TMPRSS15: variants seen among roughly 807,000 people sequenced by gnomAD.
TMPRSS15 encodes the protein enteropeptidase.
In TMPRSS15, 128 loss-of-function variants were observed where a neutral mutation model predicts 125.3. That is an observed-to-expected ratio of 1.02 (90% CI 0.89 to 1.18). The LOEUF is 1.18. Ranked by LOEUF, TMPRSS15 falls within the 50% of genes most tolerant of loss-of-function variation. The pLI, the probability that TMPRSS15 is intolerant of heterozygous loss-of-function variation, is 0.00. For missense variants in TMPRSS15, 1,283 were observed against 1,212.7 expected (o/e 1.06, Z -0.86); for synonymous variants, 446 against 423.2 (o/e 1.05, Z -0.66).
At chr21:18,450,010 TC>T (rs1282224176) in intron 1 of TMPRSS15, among the ~76,000 whole-genome samples, 1 of 152,154 alleles carries the variant, frequency 6.6e-6, no homozygotes, top group African/African-American at 2.4e-5. Flanking sequence ...CATTAAAACA[TC>T]TGCTCTTCAA....
intron 16 of TMPRSS15, among the ~76,000 whole-genome samples, chr21:18,321,376 G>A (rs1248256862): frequency 2.9e-5 from 3 of 103,322 alleles, no homozygotes; most frequent in East Asian, 6.0e-4. Context: ...TTTTTGAGAC[G>A]GAGTCTCACT....
chr21:18,332,766 T>A lies in TMPRSS15; in HGVS notation c.1565-593A>T, dbSNP rs1467450980. 2.0e-5 allele frequency among the ~76,000 whole-genome samples: 3 copies of A among 152,210 alleles called. No homozygotes were observed. In the East Asian group the frequency reaches 5.8e-4, roughly 29 times the overall value. On this transcript the variant is annotated intron_variant, in intron 13 of 24. Transcript: ENST00000284885. ...CGGTATATACCCAAAGGAATATAAATCATTCTATTATAAAGACACATGCAC... is the reference window on the plus strand; with the variant it reads ...CGGTATATACCCAAAGGAATATAAAACATTCTATTATAAAGACACATGCAC...
chr21:18,313,771 A>C (rs971747958), intron 17 of TMPRSS15, among the ~76,000 whole-genome samples: 1 of 152,140 alleles, frequency 6.6e-6, no homozygotes, highest in Middle Eastern at 3.4e-3. Flanking sequence ...TTACAAATCT[A>C]TACAGCAAAT....
At chr21:18,377,258 T>C (rs1344365638) in intron 5 of TMPRSS15, among the ~76,000 whole-genome samples, 1 of 152,128 alleles carries the variant, frequency 6.6e-6, no homozygotes, top group African/African-American at 2.4e-5. Flanking sequence ...AGAAACAAAG[T>C]TTTTTTGGAG....
Position 18,419,041 on chromosome 21 carries a change from C to T in TMPRSS15, c.11-20712G>A, listed in dbSNP as rs530643914. Among the ~76,000 whole-genome samples, 251 of 152,312 alleles carry T rather than the reference C, an allele frequency of 1.6e-3. 2 individuals are homozygous for T. The highest frequency in any genetic ancestry group is 6.0e-3 in the African/African-American group (249 of 41,572). On this transcript the variant is annotated intron_variant, in intron 1 of 7. Coordinates refer to the TMPRSS15 transcript ENST00000422787. ...GCAATTGTTCCAAGAATGTAATTCT[C>T]TGCAAGCCTGGTAGAAACAGCCAAC... is the stretch of plus-strand genomic sequence containing the variant.
chr21:18,441,825 G>A (rs938534324), intron 1 of TMPRSS15, among the ~76,000 whole-genome samples: 3 of 151,416 alleles, frequency 2.0e-5, no homozygotes, highest in African/African-American at 7.3e-5. Flanking sequence ...TGAGTAGCTG[G>A]GACTGTAGGC....
intron 3 of TMPRSS15, among the ~76,000 whole-genome samples, chr21:18,396,923 ATC>A (rs2076046973): frequency 6.6e-6 from 1 of 151,412 alleles, no homozygotes; most frequent in Non-Finnish European, 1.5e-5. Flanking sequence ...TTGTCATAGG[ATC>A]TCTGTTTTAC....
rs2075150109 is a variant in TMPRSS15, at chr21:18,315,238, T to C, written c.1940A>G (p.His647Arg). ...LGIPEPCKAD[H>R]FQCKNGECVP... is the part of the protein sequence containing the mutation. ...ACACTCTCCATTTTTACATTGAAAA[T>C]GGTCTGCCTTGCATGGCTCTATGGG... The change falls in exon 17 of 25, where the codon CAT becomes CGT. Residue 647 changes from histidine (H) to arginine (R), a missense_variant. Coordinates refer to ENST00000284885, the MANE Select transcript of TMPRSS15 (RefSeq NM_002772.3). 1 of 1,613,358 alleles carries C rather than the reference T, an allele frequency of 6.2e-7. No homozygotes were observed. Among genetic ancestry groups the C allele is most frequent in the South Asian group, 1.1e-5 (1 of 91,082 alleles).
intron 1 of TMPRSS15, among the ~76,000 whole-genome samples, chr21:18,418,630 C>T (rs376092929): frequency 2.6e-5 from 4 of 152,262 alleles, no homozygotes; most frequent in African/African-American, 4.8e-5. Context: ...ATTTGGTCTA[C>T]GTATTCTTTT....
intron 1 of TMPRSS15, among the ~76,000 whole-genome samples, chr21:18,471,476 G>GAA (rs11355100): frequency 6.8e-6 from 1 of 146,850 alleles, no homozygotes. Flanking sequence ...TTTCAGTTTT[G>GAA]AAAAAAAAAA....
chr21:18,373,009 A>T (rs773887651), intron 5 of TMPRSS15, among the ~76,000 whole-genome samples: 1 of 152,236 alleles, frequency 6.6e-6, no homozygotes. Context: ...AAAAATTTTT[A>T]GGCCAGTGTG....
At chr21:18,360,722 C>T (rs2075672396) in intron 7 of TMPRSS15, among the ~76,000 whole-genome samples, 1 of 151,742 alleles carries the variant, frequency 6.6e-6, no homozygotes, top group African/African-American at 2.4e-5. Context: ...AGTGTGAGAC[C>T]CCAGGTTTGT....
At chr21:18,448,485 A>G (rs1050718222) in intron 1 of TMPRSS15, among the ~76,000 whole-genome samples, 4 of 152,168 alleles carry the variant, frequency 2.6e-5, no homozygotes, top group Admixed American at 2.0e-4. Flanking sequence ...TGGGGCTGTT[A>G]TAATGACCGA....
Position 18,383,498 on chromosome 21 carries a change from A to C in TMPRSS15, c.496+129T>G, listed in dbSNP as rs2075912368. 6 of 1,066,852 alleles carry C rather than the reference A, an allele frequency of 5.6e-6. No homozygotes were observed. In the South Asian group the frequency reaches 8.9e-5, roughly 16 times the overall value. 66.1% of individuals were successfully genotyped at this position (1,066,852 alleles called of 1,614,324 possible). ...TTCAGATTTCACTTTTCTCATGTAA[A>C]TGTGTCACCTCAGGCAATAAGACAT... On this transcript the variant is annotated intron_variant, in intron 4 of 24. Coordinates refer to ENST00000284885, the MANE Select transcript of TMPRSS15 (RefSeq NM_002772.3).
At chr21:18,417,163 T>C (rs1195495628) in intron 1 of TMPRSS15, among the ~76,000 whole-genome samples, 1 of 152,104 alleles carries the variant, frequency 6.6e-6, no homozygotes, top group African/African-American at 2.4e-5. Context: ...GGAGTATGTA[T>C]AACCTAATCA....
chr21:18,354,844 CT>C (rs1448513183), intron 8 of TMPRSS15, among the ~76,000 whole-genome samples: 1 of 151,724 alleles, frequency 6.6e-6, no homozygotes, highest in African/African-American at 2.4e-5. Flanking sequence ...AAATACCATA[CT>C]TGCAGATAGG....
At chr21:18,333,290 A>T (rs114601397) in intron 13 of TMPRSS15, among the ~76,000 whole-genome samples, 4 of 152,202 alleles carry the variant, frequency 2.6e-5, no homozygotes, top group African/African-American at 9.6e-5. Flanking sequence ...GAACTTCTCA[A>T]AATTTCTTTA....
At chr21:18,374,464 AGCGAGACTCC>A (rs1447610090) in intron 5 of TMPRSS15, among the ~76,000 whole-genome samples, 14 of 119,352 alleles carry the variant, frequency 1.2e-4, no homozygotes, top group Middle Eastern at 9.1e-3. Context: ...TGGGCGACAG[AGCGAGACTCC>A]GTCTCAAAAA....
At chr21:18,391,899 G>C (rs1341977711) in intron 3 of TMPRSS15, among the ~76,000 whole-genome samples, 1 of 152,196 alleles carries the variant, frequency 6.6e-6, no homozygotes, top group Admixed American at 6.5e-5. Context: ...TGTACCTGCG[G>C]GCCCACGTGG....
Sources: allele counts gnomAD v4.1 joint callset (sites outside exome capture counted in the v4.1 genomes callset), GRCh38; gene constraint gnomAD v4.1.1; transcripts MANE v1.5; gene names NCBI Gene and HGNC (gene_info 2026-07-23, HGNC 2026-07-21).